IQGAP2: variants seen among roughly 807,000 people sequenced by gnomAD.
The protein encoded by IQGAP2 is IQ motif containing GTPase activating protein 2.
In IQGAP2, 173 loss-of-function variants were observed where a neutral mutation model predicts 201.3. The ratio of observed to expected loss-of-function variants is 0.86; its 90% CI spans 0.76 to 0.98. The LOEUF (loss-of-function observed/expected upper bound fraction) is 0.98, where lower values mean the gene tolerates loss of function less well. IQGAP2 is among the 50% of genes least tolerant of loss of function. The pLI, the probability that IQGAP2 is intolerant of heterozygous loss-of-function variation, is 0.00. For synonymous variants in IQGAP2, 675 were observed against 673.9 expected (o/e 1.00, Z -0.03); for missense variants, 1,687 against 1,864.8 (o/e 0.90, Z 1.76).
At chr5:76,703,494 G>A (rs1171283205) in intron 35 of IQGAP2, among the ~76,000 whole-genome samples, 1 of 151,858 alleles carries the variant, frequency 6.6e-6, no homozygotes, top group Non-Finnish European at 1.5e-5. Context: ...AACTCTATTT[G>A]TCAAATGCTT....
In IQGAP2 at chr5:76,503,174, C is replaced by CTTT. The variant is rs11297908; in HGVS notation, c.146+41520_146+41522dup. The stretch of plus-strand genomic sequence containing the variant: ...TTTCCTTTTCTTTTTCTTTTCTTTT[C>CTTT]TTTTTTTTTTTTTTTTTGAGACGGA... On this transcript the variant is annotated intron_variant, in intron 2 of 35. Transcript: ENST00000274364. Among the ~76,000 whole-genome samples the CTTT allele has an allele frequency of 2.4e-3, 263 of 109,328 alleles. 5 individuals carry two copies. Among genetic ancestry groups the CTTT allele is most frequent in the South Asian group, 7.2e-3 (24 of 3,328 alleles). 71.7% of individuals were successfully genotyped at this position (109,328 alleles called of 152,430 possible). A position where few individuals can be genotyped will look rare whatever the true frequency, so the allele number is the denominator to read the frequency against.
chr5:76,585,843 G>C (rs1396555627), intron 5 of IQGAP2, among the ~76,000 whole-genome samples: 1 of 152,098 alleles, frequency 6.6e-6, no homozygotes, highest in Non-Finnish European at 1.5e-5. Context: ...ATGATGGCTT[G>C]ATCTCCATTC....
chr5:76,541,472 T>A (rs2202113), intron 2 of IQGAP2, among the ~76,000 whole-genome samples: 53,522 of 152,100 alleles, frequency 0.35, 9,894 homozygotes, highest in East Asian at 0.65. Context: ...TTGGTGATCA[T>A]GACTGATGCT....
chr5:76,514,011 CTTTTTTTTTT>C (rs70982619), intron 2 of IQGAP2, among the ~76,000 whole-genome samples: 2 of 65,126 alleles, frequency 3.1e-5, no homozygotes, highest in Non-Finnish European at 5.2e-5. Context: ...TATTTGTTGC[CTTTTTTTTTT>C]TTTTTTTTTT....
chr5:76,426,112 A>T (rs879608005), intron 1 of IQGAP2, among the ~76,000 whole-genome samples: 2 of 152,194 alleles, frequency 1.3e-5, no homozygotes, highest in Admixed American at 1.3e-4. Flanking sequence ...GTCAGCTGGC[A>T]CATCACCAGC....
chr5:76,490,535 C>T (rs1756473267), intron 2 of IQGAP2, among the ~76,000 whole-genome samples: 1 of 152,108 alleles, frequency 6.6e-6, no homozygotes, highest in Non-Finnish European at 1.5e-5. Flanking sequence ...GACTTAGGAG[C>T]AGTGCAGTGG....
intron 28 of IQGAP2, among the ~76,000 whole-genome samples, chr5:76,681,089 CAAAAA>C (rs34896356): frequency 5.7e-5 from 3 of 52,952 alleles, no homozygotes; most frequent in African/African-American, 8.1e-5. Flanking sequence ...GACTTTGTCT[CAAAAA>C]AAAAAAAAAA....
chr5:76,653,277 C>T (rs1752660373), intron 18 of IQGAP2, among the ~76,000 whole-genome samples: 1 of 152,126 alleles, frequency 6.6e-6, no homozygotes, highest in Non-Finnish European at 1.5e-5. Flanking sequence ...ATTAGTCGAA[C>T]CCAGGTGAAT....
In IQGAP2 at chr5:76,631,956, C is replaced by T; in HGVS notation, c.1710C>T (p.Asp570=). ...AGTCTTCCACTTCTAATGCAAATGA[C>T]ATAATCCCGGAGTGTGCTGACAAAT... ...VLKSSTSNAN[D]IIPECADKYY... is the part of the protein sequence containing the mutation. The change falls in exon 15 of 36, where the codon GAC becomes GAT. Residue 570 remains aspartate (D), a synonymous_variant. Coordinates refer to ENST00000274364, the MANE Select transcript of IQGAP2 (RefSeq NM_006633.5). 1 of 1,612,664 alleles carries T rather than the reference C, an allele frequency of 6.2e-7. No homozygotes were observed. The highest frequency in any genetic ancestry group is 8.5e-7 in the Non-Finnish European group (1 of 1,179,144).
At chr5:76,564,467 T>A (rs545168587) in intron 3 of IQGAP2, among the ~76,000 whole-genome samples, 21 of 152,314 alleles carry the variant, frequency 1.4e-4, no homozygotes, top group South Asian at 6.2e-4. Context: ...AGACGGGCCC[T>A]TCATGGAAGT....
chr5:76,683,928 G>C lies in IQGAP2; in HGVS notation c.3905+11G>C, dbSNP rs1745522067. ...AAGCCTCATGATAAAGTAAGTTTGG[G>C]GGTTAAAGGGCACATGTCTCCAAAT... On this transcript the variant is annotated intron_variant, in intron 30 of 35. Coordinates refer to ENST00000274364, the MANE Select transcript of IQGAP2 (RefSeq NM_006633.5). The C allele has an allele frequency of 1.2e-6, 2 of 1,603,454 alleles. No individual in the cohort carries two copies. The highest frequency in any genetic ancestry group is 2.2e-5 in the South Asian group (2 of 89,176).
intron 15 of IQGAP2, among the ~76,000 whole-genome samples, chr5:76,635,462 C>A (rs1474502142): frequency 6.6e-6 from 1 of 152,146 alleles, no homozygotes; most frequent in African/African-American, 2.4e-5. Flanking sequence ...TGCTTGCTTT[C>A]TTTCCTTCCC....
chr5:76,427,322 C>A (rs553768640), intron 1 of IQGAP2, among the ~76,000 whole-genome samples: 1 of 152,212 alleles, frequency 6.6e-6, no homozygotes, highest in Non-Finnish European at 1.5e-5. Flanking sequence ...CCACCTTAAG[C>A]TTTTATAATA....
intron 2 of IQGAP2, among the ~76,000 whole-genome samples, chr5:76,523,892 G>A (rs1561437018): frequency 1.3e-5 from 2 of 152,000 alleles, no homozygotes; most frequent in East Asian, 1.9e-4. Flanking sequence ...TCTCCACCTC[G>A]GACACACTGT....
intron 1 of IQGAP2, among the ~76,000 whole-genome samples, chr5:76,442,182 G>A (rs74369415): frequency 0.017 from 2,658 of 152,248 alleles, 75 homozygotes; most frequent in African/African-American, 0.059. Context: ...AGGGTATCGG[G>A]CTACAGTGCT....
chr5:76,516,869 A>C (rs574987348), intron 2 of IQGAP2, among the ~76,000 whole-genome samples: 1 of 152,346 alleles, frequency 6.6e-6, no homozygotes, highest in African/African-American at 2.4e-5. Context: ...TCTTAACTTA[A>C]AAAATTTTAT....
chr5:76,485,968 T>C (rs1756112238), intron 2 of IQGAP2, among the ~76,000 whole-genome samples: 1 of 152,244 alleles, frequency 6.6e-6, no homozygotes, highest in African/African-American at 2.4e-5. Context: ...ATACAATTTT[T>C]CTGGTTTTAA....
intron 2 of IQGAP2, chr5:76,510,724 G>C (rs544828686): frequency 1.3e-4 from 69 of 522,008 alleles, no homozygotes; most frequent in African/African-American, 1.3e-3. Context: ...TCACCCTCTC[G>C]GACCTAAGGG....
At chr5:76,499,795 A>G (rs1757176402) in intron 2 of IQGAP2, among the ~76,000 whole-genome samples, 1 of 152,162 alleles carries the variant, frequency 6.6e-6, no homozygotes, top group South Asian at 2.1e-4. Flanking sequence ...GTAAGAACTC[A>G]ATTGTTAATT....
Sources: allele counts gnomAD v4.1 joint callset (sites outside exome capture counted in the v4.1 genomes callset), GRCh38; gene constraint gnomAD v4.1.1; transcripts MANE v1.5; gene names NCBI Gene and HGNC (gene_info 2026-07-23, HGNC 2026-07-21).